ST8SIA6: variants seen among roughly 807,000 people sequenced by gnomAD.
ST8SIA6 encodes alpha-2,8-sialyltransferase 8F.
A neutral mutation model predicts 33.6 loss-of-function variants in ST8SIA6; 39 were observed. The ratio of observed to expected loss-of-function variants is 1.16; its 90% CI spans 0.90 to 1.52. The LOEUF (loss-of-function observed/expected upper bound fraction) is 1.52. Ranked by LOEUF, ST8SIA6 falls within the 40% of genes most tolerant of loss-of-function variation. The pLI is 0.00. For synonymous variants in ST8SIA6, 172 were observed against 167.2 expected (o/e 1.03, Z -0.22); for missense variants, 441 against 443.8 (o/e 0.99, Z 0.06).
intron 3 of ST8SIA6, among the ~76,000 whole-genome samples, chr10:17,380,468 TAAA>T (rs1850089654): frequency 1.3e-5 from 2 of 152,152 alleles, no homozygotes; most frequent in African/African-American, 4.8e-5. Context: ...AGGGGAACCC[TAAA>T]TTATGGGGAA....
chr10:17,355,324 T>C (rs17140705), intron 4 of ST8SIA6, among the ~76,000 whole-genome samples: 32,093 of 152,130 alleles, frequency 0.21, 3,465 homozygotes, highest in African/African-American at 0.23. Context: ...CATGAGTATT[T>C]CAGATGCAGG....
intron 4 of ST8SIA6, among the ~76,000 whole-genome samples, chr10:17,340,482 T>C (rs1848639403): frequency 6.6e-6 from 1 of 152,176 alleles, no homozygotes; most frequent in Non-Finnish European, 1.5e-5. Flanking sequence ...AAGCTTAGAC[T>C]GTGCGGTCCA....
intron 3 of ST8SIA6, among the ~76,000 whole-genome samples, chr10:17,361,012 ATGT>A (rs1284335531): frequency 6.6e-6 from 1 of 152,092 alleles, no homozygotes; most frequent in Non-Finnish European, 1.5e-5. Flanking sequence ...ACCAATCCAC[ATGT>A]TGTCTACATG....
intron 2 of ST8SIA6, among the ~76,000 whole-genome samples, chr10:17,415,275 G>C (rs1851567085): frequency 6.6e-6 from 1 of 152,176 alleles, no homozygotes; most frequent in African/African-American, 2.4e-5. Context: ...AGAGCACATG[G>C]AGAGCAGCAA....
chr10:17,362,639 T>A (rs1294950120), intron 3 of ST8SIA6, among the ~76,000 whole-genome samples: 5 of 152,212 alleles, frequency 3.3e-5, no homozygotes, highest in Non-Finnish European at 5.9e-5. Flanking sequence ...CTCAGGACTT[T>A]GAGGACTGAC....
chr10:17,337,971 C>G (rs1023213548), intron 4 of ST8SIA6, among the ~76,000 whole-genome samples: 1 of 152,024 alleles, frequency 6.6e-6, no homozygotes, highest in Admixed American at 6.6e-5. Flanking sequence ...AAACACTGTA[C>G]ACTTTTGCCA....
At chr10:17,377,117 C>A (rs113059557) in intron 3 of ST8SIA6, among the ~76,000 whole-genome samples, 3 of 152,144 alleles carry the variant, frequency 2.0e-5, no homozygotes, top group Non-Finnish European at 2.9e-5. Context: ...TTTGTTCCTG[C>A]CCCACCCTAA....
chr10:17,321,408 T>C (rs1161355388), intron 7 of ST8SIA6, 62 bp from the exon 8 acceptor site: 1 of 1,359,756 alleles, frequency 7.4e-7, no homozygotes, highest in African/African-American at 1.5e-5. Context: ...GCAGTTTTGA[T>C]AACATAAAGC....
rs1427951318 is a variant in ST8SIA6, at chr10:17,441,598, T to G, written c.200+11961A>C. ...TGCTGGGATTACAGGCGTGCACCAC[T>G]GCACCCGGCCCCTGGATCTAAACTT... On this transcript the variant is annotated intron_variant, in intron 2 of 7. Transcript: ENST00000377602. Among the ~76,000 whole-genome samples, 4 of 152,098 alleles carry G rather than the reference T, an allele frequency of 2.6e-5. No individual in the cohort carries two copies. In the South Asian group the frequency reaches 8.3e-4, roughly 32 times the overall value.
intron 3 of ST8SIA6, among the ~76,000 whole-genome samples, chr10:17,360,265 A>C (rs1849337187): frequency 6.6e-6 from 1 of 152,106 alleles, no homozygotes; most frequent in African/African-American, 2.4e-5. Flanking sequence ...TATCCCTTTG[A>C]GTGAGAAAAC....
At chr10:17,323,249 A>C (rs918376555) in intron 6 of ST8SIA6, 92 bp from the exon 7 acceptor site, 5 of 718,270 alleles carry the variant, frequency 7.0e-6, no homozygotes, top group Admixed American at 5.1e-5. Flanking sequence ...ACACACACAC[A>C]CCTATCTATA....
chr10:17,331,586 T>C (rs1019383172), intron 4 of ST8SIA6, 34 bp from the exon 5 acceptor site: 2 of 1,581,206 alleles, frequency 1.3e-6, no homozygotes, highest in East Asian at 2.3e-5. Flanking sequence ...GAAGCCAAAG[T>C]ATAAGATTAA....
At chr10:17,368,232 CAAA>C (rs61426907) in intron 3 of ST8SIA6, among the ~76,000 whole-genome samples, 1,156 of 74,000 alleles carry the variant, frequency 0.016, 2 homozygotes, top group Non-Finnish European at 0.024. Flanking sequence ...CCTGTCTCTA[CAAA>C]AAAAAAAAAA....
chr10:17,434,477 T>G (rs930795417), intron 2 of ST8SIA6, among the ~76,000 whole-genome samples: 2 of 152,220 alleles, frequency 1.3e-5, no homozygotes, highest in African/African-American at 4.8e-5. Context: ...ACCTTTTGAC[T>G]GTGTGCTAAG....
At chr10:17,414,836 C>A (rs1190633469) in intron 2 of ST8SIA6, among the ~76,000 whole-genome samples, 1 of 152,156 alleles carries the variant, frequency 6.6e-6, no homozygotes, top group Non-Finnish European at 1.5e-5. Flanking sequence ...GTGGCTTCAA[C>A]ATGAATTTTG....
chr10:17,361,714 A>G (rs1255407551), intron 3 of ST8SIA6, among the ~76,000 whole-genome samples: 1 of 148,474 alleles, frequency 6.7e-6, no homozygotes, highest in African/African-American at 2.5e-5. Flanking sequence ...GACATTGGGA[A>G]AAAAAAAAAA....
At chr10:17,361,523 C>G (rs921063237) in intron 3 of ST8SIA6, among the ~76,000 whole-genome samples, 1 of 144,150 alleles carries the variant, frequency 6.9e-6, no homozygotes, top group Admixed American at 7.1e-5. Context: ...ACAAAACACA[C>G]ACACACACAC....
rs1375566240 is a variant in ST8SIA6 at position 17,386,285 on chromosome 10, T to TTCGATCACAAGGTCAGGAGC, written c.290+4226_290+4245dup. Among the ~76,000 whole-genome samples, 73 of 149,768 alleles carry TTCGATCACAAGGTCAGGAGC rather than the reference T, an allele frequency of 4.9e-4. No homozygotes were observed. The South Asian group carries it at 8.5e-3, about 17-fold the overall frequency. On this transcript the variant is annotated intron_variant, in intron 3 of 7. Coordinates refer to ENST00000377602, the MANE Select transcript of ST8SIA6 (RefSeq NM_001004470.3). ...GTCGGGCAGATCACAAGGTCAGGAG[T>TTCGATCACAAGGTCAGGAGC]TCGATCACAAGGTCAGGAGCTCGAT...
intron 4 of ST8SIA6, among the ~76,000 whole-genome samples, chr10:17,341,646 A>G (rs1274191543): frequency 1.3e-5 from 2 of 152,044 alleles, no homozygotes; most frequent in African/African-American, 4.8e-5. Flanking sequence ...TATGCCTGTA[A>G]TCCCAGCGCT....
Sources: gnomAD v4.1 joint callset for allele counts (sites outside exome capture counted in the v4.1 genomes callset) on GRCh38, gnomAD v4.1.1 for gene constraint, MANE v1.5 for transcripts, NCBI Gene and HGNC (gene_info 2026-07-23, HGNC 2026-07-21) for gene names.